The following SEMA6D variants were observed in gnomAD, a reference collection of about 807,000 sequenced individuals.
SEMA6D encodes semaphorin-6D.
In SEMA6D, 35 loss-of-function variants were observed where a neutral mutation model predicts 106.6. The observed-to-expected ratio is 0.33, with a 90% CI of 0.25 to 0.44. The LOEUF (loss-of-function observed/expected upper bound fraction) is 0.44, where lower values mean the gene tolerates loss of function less well. SEMA6D is among the 20% of genes least tolerant of loss of function. The pLI, the probability that SEMA6D is intolerant of heterozygous loss-of-function variation, is 1.00. For missense variants in SEMA6D, 1,185 were observed against 1,345.9 expected, an observed-to-expected ratio of 0.88 and a Z score of 1.87; for synonymous variants, 499 against 487.7, an observed-to-expected ratio of 1.02 and a Z score of -0.31.
At chr15:47,506,939 A>C (rs1047367328) in intron 3 of SEMA6D, among the ~76,000 whole-genome samples, 1 of 151,888 alleles carries the variant, frequency 6.6e-6, no homozygotes, top group Non-Finnish European at 1.5e-5. Context: ...GTCAGGCTTT[A>C]GGCATCTACA....
chr15:47,696,232 A>C (rs572133766), intron 4 of SEMA6D, among the ~76,000 whole-genome samples: 5 of 152,234 alleles, frequency 3.3e-5, no homozygotes, highest in African/African-American at 1.2e-4. Flanking sequence ...CTTCAAATCC[A>C]CCCATTTATA....
chr15:47,243,995 A>G (rs1370934569), intron 1 of SEMA6D, among the ~76,000 whole-genome samples: 4 of 152,194 alleles, frequency 2.6e-5, no homozygotes, highest in African/African-American at 7.2e-5. Context: ...AATATATAAT[A>G]TGATATCAGG....
intron 4 of SEMA6D, among the ~76,000 whole-genome samples, chr15:47,668,569 A>C (rs930397261): frequency 1.3e-5 from 2 of 152,148 alleles, no homozygotes; most frequent in Non-Finnish European, 2.9e-5. Context: ...GTTTCACTTC[A>C]AGAAGCCAAA....
chr15:47,184,174 G>A (rs1049842770), exon 1 of SEMA6D: 2 of 152,694 alleles, frequency 1.3e-5, no homozygotes, highest in African/African-American at 4.8e-5. Flanking sequence ...GTGAGGGAGC[G>A]GACGAACCCG....
At chr15:47,342,704 C>G (rs185025168) in intron 1 of SEMA6D, among the ~76,000 whole-genome samples, 9 of 152,072 alleles carry the variant, frequency 5.9e-5, no homozygotes, top group Admixed American at 5.2e-4. Flanking sequence ...CTAAATCGCT[C>G]AAATTACTAT....
intron 1 of SEMA6D, among the ~76,000 whole-genome samples, chr15:47,267,922 A>G (rs1296404720): frequency 6.6e-6 from 1 of 151,954 alleles, no homozygotes; most frequent in Non-Finnish European, 1.5e-5. Context: ...TAACTGCATC[A>G]TTTGTATGCT....
chr15:47,555,880 T>A, intron 3 of SEMA6D, among the ~76,000 whole-genome samples: 1 of 152,134 alleles, frequency 6.6e-6, no homozygotes, highest in Non-Finnish European at 1.5e-5. Context: ...TATTTAGAAA[T>A]GACCCACAGA....
At chr15:47,278,076 T>G (rs1216891412) in intron 1 of SEMA6D, among the ~76,000 whole-genome samples, 26 of 151,360 alleles carry the variant, frequency 1.7e-4, no homozygotes, top group Admixed American at 1.3e-3. Context: ...TAAACATACG[T>G]GTGCATGTGT....
At position 47,217,842 on chromosome 15, in the gene SEMA6D, A is replaced by G. The variant is rs935087054; in HGVS notation, c.-239+33424A>G. ...TACACACAAATACATGCATATACACACACCCCTGCTTCCTGCTTGCATGTA... is the reference window on the plus strand; with the variant it reads ...TACACACAAATACATGCATATACACGCACCCCTGCTTCCTGCTTGCATGTA... On this transcript the variant is annotated intron_variant, in intron 1 of 19. Coordinates refer to the SEMA6D transcript ENST00000558014. Among the ~76,000 whole-genome samples, 8 of 147,296 alleles carry G rather than the reference A, an allele frequency of 5.4e-5. No individual in the cohort carries two copies. In the South Asian group the frequency reaches 1.5e-3, roughly 28 times the overall value.
intron 3 of SEMA6D, among the ~76,000 whole-genome samples, chr15:47,500,163 A>G (rs577553908): frequency 6.6e-6 from 1 of 152,280 alleles, no homozygotes; most frequent in South Asian, 2.1e-4. Context: ...TTTACTGGTT[A>G]GAAGCCACTT....
chr15:47,276,543 C>T lies in SEMA6D; in HGVS notation c.-239+92125C>T, dbSNP rs551848441. ...GTGCTCTATAAATGGAAAAATAAAC[C>T]GTGGATGACACTACATCTGTTTACT... On this transcript the variant is annotated intron_variant, in intron 1 of 19. Transcript: ENST00000558014. 7.2e-5 allele frequency among the ~76,000 whole-genome samples: 11 copies of T among 152,176 alleles called. No individual in the cohort carries two copies. The South Asian group carries it at 1.0e-3, about 14-fold the overall frequency.
chr15:47,746,938 C>T (rs1020194624), intron 1 of SEMA6D, among the ~76,000 whole-genome samples: 2 of 149,562 alleles, frequency 1.3e-5, no homozygotes, highest in African/African-American at 2.4e-5. Context: ...AAAGGAGACA[C>T]GATTGTTCAT....
intron 1 of SEMA6D, among the ~76,000 whole-genome samples, chr15:47,216,618 AAG>A (rs1279308951): frequency 6.6e-6 from 1 of 152,170 alleles, no homozygotes; most frequent in Non-Finnish European, 1.5e-5. Flanking sequence ...AAGAAAAACA[AAG>A]AGTCAGTTCC....
At chr15:47,234,811 A>G (rs963920926) in intron 1 of SEMA6D, among the ~76,000 whole-genome samples, 3 of 152,100 alleles carry the variant, frequency 2.0e-5, no homozygotes, top group Non-Finnish European at 2.9e-5. Flanking sequence ...ATAAACATTC[A>G]TGTGCAGGTG....
At chr15:47,472,921 A>C (rs893951513) in intron 3 of SEMA6D, among the ~76,000 whole-genome samples, 5 of 152,188 alleles carry the variant, frequency 3.3e-5, no homozygotes, top group Non-Finnish European at 7.3e-5. Context: ...CAGATAATAG[A>C]GCAAATGACA....
rs142686780 is a variant in SEMA6D, at chr15:47,296,316, C to T, written c.-239+111898C>T. ...AGTAATAGGCCTAACTTCATCACAG[C>T]ATGCCTGCTTTTAGAAATAGCAGTT... On this transcript the variant is annotated intron_variant, in intron 1 of 19. Transcript: ENST00000558014. Among the ~76,000 whole-genome samples, 888 of 152,296 alleles carry T rather than the reference C, an allele frequency of 5.8e-3. 14 individuals are homozygous for T. The highest frequency in any genetic ancestry group is 0.02 in the African/African-American group (843 of 41,560).
chr15:47,590,093 C>T (rs7175753), intron 3 of SEMA6D, among the ~76,000 whole-genome samples: 5,843 of 152,030 alleles, frequency 0.038, 283 homozygotes, highest in African/African-American at 0.11. Context: ...ATGTTTATTG[C>T]GGCACTATTC....
intron 3 of SEMA6D, among the ~76,000 whole-genome samples, chr15:47,588,009 A>G (rs2076373690): frequency 6.6e-6 from 1 of 152,168 alleles, no homozygotes; most frequent in Middle Eastern, 3.2e-3. Context: ...CTTCTACAGG[A>G]AAACACAGAG....
Position 47,766,677 on chromosome 15 carries a change from G to A in SEMA6D, c.1708G>A (p.Glu570Lys). ...GNTAHLGDCH[E>K]ILPTSTTPDY... ...CACAGCTCATCTAGGGGACTGCCAT[G>A]GTAAGACAGAATCTTCCATTCCCAC... Residue 570 changes from glutamate to lysine, a missense_variant and splice_region_variant, in exon 16 of 19, where the codon GAA becomes AAA. Transcript: ENST00000536845. The A allele has an allele frequency of 6.3e-7, 1 of 1,599,824 alleles. No individual in the cohort carries two copies. Among genetic ancestry groups the A allele is most frequent in the Non-Finnish European group, 8.6e-7 (1 of 1,167,768 alleles).
Sources: allele counts gnomAD v4.1 joint callset (sites outside exome capture counted in the v4.1 genomes callset), GRCh38; gene constraint gnomAD v4.1.1; transcripts MANE v1.5; gene names NCBI Gene and HGNC (gene_info 2026-07-23, HGNC 2026-07-21).